Variants in CAAP1 observed in about 807,000 individuals in gnomAD.
CAAP1 encodes caspase activity and apoptosis inhibitor 1.
In CAAP1, 20 loss-of-function variants were observed where a neutral mutation model predicts 34.0. The ratio of observed to expected loss-of-function variants is 0.59; its 90% CI spans 0.41 to 0.86. CAAP1 has a LOEUF of 0.86. Ranked by LOEUF, CAAP1 falls within the 40% of genes least tolerant of loss-of-function variation. The probability of loss-of-function intolerance (pLI) is 0.00; values close to 1 mark genes in which losing one functional copy is unlikely to be tolerated. For missense variants in CAAP1, 538 were observed against 450.5 expected (o/e 1.19, Z -1.76); for synonymous variants, 213 against 166.7 (o/e 1.28, Z -2.14).
At chr9:26,854,535 C>T (rs116469748) in intron 5 of CAAP1, among the ~76,000 whole-genome samples, 1,720 of 152,234 alleles carry the variant, frequency 0.011, 26 homozygotes, top group African/African-American at 0.04. Context: ...TACAAAGTCT[C>T]ACCTGAATAA....
At chr9:26,866,913 G>A (rs62544405) in intron 4 of CAAP1, among the ~76,000 whole-genome samples, 108 of 152,206 alleles carry the variant, frequency 7.1e-4, no homozygotes, top group African/African-American at 2.5e-3. Context: ...GGTCCCCAAC[G>A]CCTGGGCCAC....
intron 1 of CAAP1, 104 bp downstream of exon 1, chr9:26,892,309 C>T: frequency 6.5e-7 from 1 of 1,542,744 alleles, no homozygotes. Flanking sequence ...CTTGAGATTG[C>T]CGCGCTAGCA....
intron 4 of CAAP1, among the ~76,000 whole-genome samples, chr9:26,865,863 T>A (rs1823124130): frequency 6.6e-6 from 1 of 152,150 alleles, no homozygotes; most frequent in African/African-American, 2.4e-5. Context: ...ATTATTTATT[T>A]TGAGATGGAG....
intron 5 of CAAP1, among the ~76,000 whole-genome samples, chr9:26,846,507 T>G (rs1454517287): frequency 6.6e-6 from 1 of 151,880 alleles, no homozygotes; most frequent in Non-Finnish European, 1.5e-5. Context: ...TGATTTTCCT[T>G]TCTTTTGTCA....
chr9:26,886,000 A>T lies in CAAP1; in HGVS notation c.589+104T>A. ...AAAAATACTCTTCAACAACAACCCA[A>T]TAATGAAATTAAATATCCAAGTAGG... On this transcript the variant is annotated intron_variant, in intron 3 of 5. Coordinates refer to ENST00000333916, the MANE Select transcript of CAAP1 (RefSeq NM_024828.4). 1.6e-5 allele frequency: 8 copies of T among 495,878 alleles called. No individual in the cohort carries two copies. In the South Asian group the frequency reaches 4.2e-4, roughly 26 times the overall value. The allele number at this position is 495,878 out of a possible 1,614,324, so 30.7% of individuals were successfully genotyped here.
chr9:26,870,036 T>TA, intron 4 of CAAP1: 108 of 473,060 alleles, frequency 2.3e-4, no homozygotes, highest in South Asian at 2.9e-4. Context: ...ATAGAAAGAA[T>TA]AACTTTTTTT....
At chr9:26,891,321 T>A (rs1309233028) in intron 1 of CAAP1, among the ~76,000 whole-genome samples, 1 of 152,242 alleles carries the variant, frequency 6.6e-6, no homozygotes, top group Non-Finnish European at 1.5e-5. Flanking sequence ...GACCCACTAG[T>A]CTGGCAATTT....
At chr9:26,882,679 C>T (rs1213096536) in intron 4 of CAAP1, among the ~76,000 whole-genome samples, 3 of 152,142 alleles carry the variant, frequency 2.0e-5, no homozygotes, top group African/African-American at 7.2e-5. Flanking sequence ...TCCCCCAGAC[C>T]CCAGAAGGGT....
chr9:26,880,344 T>C lies in CAAP1; in HGVS notation c.665+4466A>G, dbSNP rs151206059. ...CTGAGCAATTTCTCAAGCCAGACCG[T>C]GGAAGGGAAGTGTGTGATTCAGAAG... On this transcript the variant is annotated intron_variant, in intron 4 of 5. Coordinates refer to ENST00000333916, the MANE Select transcript of CAAP1 (RefSeq NM_024828.4). 2.2e-3 allele frequency: 679 copies of C among 315,258 alleles called. 6 individuals carry two copies. The highest frequency in any genetic ancestry group is 8.5e-3 in the South Asian group (331 of 38,922). 19.5% of individuals were successfully genotyped at this position (315,258 alleles called of 1,614,324 possible). A position where few individuals can be genotyped will look rare whatever the true frequency, so the allele number is the denominator to read the frequency against.
intron 5 of CAAP1, among the ~76,000 whole-genome samples, chr9:26,843,748 TA>T (rs1195244779): frequency 6.6e-6 from 1 of 152,156 alleles, no homozygotes; most frequent in East Asian, 1.9e-4. Flanking sequence ...AGGAAGGACA[TA>T]AACAATTATA....
chr9:26,856,102 G>C (rs1822863217), intron 5 of CAAP1, among the ~76,000 whole-genome samples: 1 of 147,860 alleles, frequency 6.8e-6, no homozygotes. Flanking sequence ...GTGTGGGCAT[G>C]AGCCTGGCCA....
intron 4 of CAAP1, among the ~76,000 whole-genome samples, chr9:26,869,302 A>G (rs1296522410): frequency 6.6e-6 from 1 of 152,192 alleles, no homozygotes; most frequent in Non-Finnish European, 1.5e-5. Context: ...ACCACAGGAA[A>G]CACTTTTTTA....
rs1390356622 is a variant in CAAP1, at chr9:26,841,029, A to G, written c.*1272T>C. The stretch of plus-strand genomic sequence containing the variant: ...ATTCCAAGGCATGTTCAGGAACAAC[A>G]ACAACAAAAAGAATTTGTAACTGCA... On this transcript the variant is annotated 3_prime_UTR_variant, in exon 6 of 6. Coordinates refer to ENST00000333916, the MANE Select transcript of CAAP1 (RefSeq NM_024828.4). The G allele has an allele frequency of 6.6e-6, 1 of 152,194 alleles. No individual in the cohort carries two copies. The highest frequency in any genetic ancestry group is 1.5e-5 in the Non-Finnish European group (1 of 68,028). The allele number at this position is 152,194 out of a possible 1,614,324, so 9.4% of individuals were successfully genotyped here.
chr9:26,842,270 C>G lies in CAAP1; in HGVS notation c.*31G>C. On this transcript the variant is annotated 3_prime_UTR_variant, in exon 6 of 6. Transcript: ENST00000333916. Reference sequence around the variant, plus strand: ...ATTAAATGATGTGGCTTTGTTCAAACATACCTAAAATTCAAAATCAAGTTA... The same window carrying G: ...ATTAAATGATGTGGCTTTGTTCAAAGATACCTAAAATTCAAAATCAAGTTA... The G allele has an allele frequency of 2.0e-6, 3 of 1,489,410 alleles. No individual in the cohort carries two copies. Among genetic ancestry groups the G allele is most frequent in the Non-Finnish European group, 2.7e-6 (3 of 1,109,216 alleles). 92.3% of individuals were successfully genotyped at this position (1,489,410 alleles called of 1,614,324 possible). A position where few individuals can be genotyped will look rare whatever the true frequency, so the allele number is the denominator to read the frequency against.
intron 5 of CAAP1, among the ~76,000 whole-genome samples, chr9:26,846,627 G>C (rs1232696127): frequency 6.6e-6 from 1 of 151,324 alleles, no homozygotes; most frequent in African/African-American, 2.4e-5. Flanking sequence ...GCTTTTTACA[G>C]TTCATTCTTG....
chr9:26,847,435 C>T (rs1048556808), intron 5 of CAAP1, among the ~76,000 whole-genome samples: 3 of 151,522 alleles, frequency 2.0e-5, no homozygotes, highest in African/African-American at 4.8e-5. Flanking sequence ...AGGATGGTCT[C>T]GATCTCCTGA....
chr9:26,849,707 T>TA (rs1356874500), intron 5 of CAAP1, among the ~76,000 whole-genome samples: 2 of 152,234 alleles, frequency 1.3e-5, no homozygotes, highest in African/African-American at 4.8e-5. Context: ...AGGTATTTTT[T>TA]AAAAAGCTTA....
intron 4 of CAAP1, among the ~76,000 whole-genome samples, chr9:26,875,397 A>G (rs575807688): frequency 3.0e-4 from 46 of 152,346 alleles, no homozygotes; most frequent in African/African-American, 7.5e-4. Flanking sequence ...AAATTGGGCA[A>G]CAGAGTGAGA....
chr9:26,857,095 A>C (rs1325440845), intron 5 of CAAP1, among the ~76,000 whole-genome samples: 3 of 152,200 alleles, frequency 2.0e-5, no homozygotes, highest in Admixed American at 6.5e-5. Flanking sequence ...AACAGTTTTT[A>C]TTTTTAACTA....
Sources: allele counts gnomAD v4.1 joint callset (sites outside exome capture counted in the v4.1 genomes callset), GRCh38; gene constraint gnomAD v4.1.1; transcripts MANE v1.5; gene names NCBI Gene and HGNC (gene_info 2026-07-23, HGNC 2026-07-21).